Variants in MYT1L observed in about 807,000 individuals in gnomAD.
MYT1L encodes the protein myelin transcription factor 1 like, also known as myelin transcription factor 1-like protein.
A neutral mutation model predicts 126.7 loss-of-function variants in MYT1L; 12 were observed. The ratio of observed to expected loss-of-function variants is 0.09; its 90% confidence interval spans 0.06 to 0.15. The LOEUF (loss-of-function observed/expected upper bound fraction) is 0.15. Ranked by LOEUF, MYT1L falls within the 10% of genes least tolerant of loss-of-function variation. The pLI is 1.00. For missense variants in MYT1L, 979 were observed against 1,585.2 expected, an observed-to-expected ratio of 0.62 and a Z score of 6.49; for synonymous variants, 541 against 604.2, an observed-to-expected ratio of 0.90 and a Z score of 1.53.
At chr2:2,036,910 A>G (rs1233545141) in intron 4 of MYT1L, among the ~76,000 whole-genome samples, 2 of 152,190 alleles carry the variant, frequency 1.3e-5, no homozygotes, top group Non-Finnish European at 2.9e-5. Context: ...CCTGCAGGAC[A>G]TGGCTCCTTC....
In MYT1L at chr2:2,059,216, T is replaced by C. The variant is rs754443390; in HGVS notation, c.-303-5093A>G. Among the ~76,000 whole-genome samples the C allele has an allele frequency of 3.3e-5, 5 of 152,190 alleles. No homozygotes were observed. Among genetic ancestry groups the C allele is most frequent in the Non-Finnish European group, 7.3e-5 (5 of 68,040 alleles). On this transcript the variant is annotated intron_variant, in intron 3 of 24. Coordinates refer to ENST00000647738, the MANE Select transcript of MYT1L (RefSeq NM_001303052.2). The surrounding 1 kb of genome is among the most constrained non-coding windows in gnomAD (Gnocchi z 4.7). ...TGGCTGAGTGGGCCTGCAGTGGCCA[T>C]AGCATCCCAGCTTCTTACTCTGGGT...
chr2:2,206,816 T>C (rs1442804998), intron 2 of MYT1L, among the ~76,000 whole-genome samples: 1 of 152,200 alleles, frequency 6.6e-6, no homozygotes, highest in Non-Finnish European at 1.5e-5. Context: ...GTCTTTTCCA[T>C]AGCCTATTTA....
At chr2:1,844,028 G>A (rs1006874435) in intron 19 of MYT1L, among the ~76,000 whole-genome samples, 1 of 152,208 alleles carries the variant, frequency 6.6e-6, no homozygotes, top group Non-Finnish European at 1.5e-5. Flanking sequence ...AAGAGGCCCT[G>A]TGGTCTCTTC....
chr2:2,257,546 C>T (rs1204678597), intron 2 of MYT1L, among the ~76,000 whole-genome samples: 1 of 152,180 alleles, frequency 6.6e-6, no homozygotes. Context: ...TAACGCACAG[C>T]ATGGTGACTA....
intron 1 of MYT1L, among the ~76,000 whole-genome samples, chr2:2,307,993 A>G (rs2095883265): frequency 6.6e-6 from 1 of 150,668 alleles, no homozygotes; most frequent in Non-Finnish European, 1.5e-5. Flanking sequence ...CTCTACCTAC[A>G]CTCCACCTAC....
intron 2 of MYT1L, among the ~76,000 whole-genome samples, chr2:2,239,124 C>T (rs564116113): frequency 3.3e-5 from 5 of 152,354 alleles, no homozygotes; most frequent in South Asian, 2.1e-4. Context: ...AATGGCAATT[C>T]GAAACTAGCA....
intron 8 of MYT1L, among the ~76,000 whole-genome samples, chr2:1,954,351 G>A (rs764582956): frequency 3.3e-5 from 5 of 152,300 alleles, no homozygotes; most frequent in South Asian, 4.2e-4. Context: ...CCACAGTCAC[G>A]TAGAATAACG....
At chr2:1,982,102 A>G (rs946584746) in intron 5 of MYT1L, among the ~76,000 whole-genome samples, 1 of 152,232 alleles carries the variant, frequency 6.6e-6, no homozygotes, top group Non-Finnish European at 1.5e-5. Context: ...GCTATTCAAC[A>G]TGAAAACACT....
At chr2:2,296,901 CT>C (rs1225438816) in intron 1 of MYT1L, among the ~76,000 whole-genome samples, 2 of 152,214 alleles carry the variant, frequency 1.3e-5, no homozygotes, top group African/African-American at 4.8e-5. Context: ...AGCAATGCCC[CT>C]GGTGCACAGA....
chr2:2,120,049 T>C (rs761904599), intron 3 of MYT1L, among the ~76,000 whole-genome samples: 1 of 152,164 alleles, frequency 6.6e-6, no homozygotes, highest in Admixed American at 6.5e-5. Flanking sequence ...CTTAGGAGAT[T>C]TGCCCAGCTC....
chr2:2,098,904 C>A (rs559099176), intron 3 of MYT1L, among the ~76,000 whole-genome samples: 1 of 152,264 alleles, frequency 6.6e-6, no homozygotes, highest in African/African-American at 2.4e-5. Flanking sequence ...ATCCTGGGAG[C>A]TGGACAACCC....
chr2:1,819,019 G>A (rs779293150), intron 21 of MYT1L, among the ~76,000 whole-genome samples: 15 of 152,060 alleles, frequency 9.9e-5, no homozygotes, highest in Non-Finnish European at 2.1e-4. Flanking sequence ...TCCCAGACCA[G>A]GTCCCTCCCA....
intron 18 of MYT1L, among the ~76,000 whole-genome samples, chr2:1,854,772 T>G (rs1359153508): frequency 1.3e-5 from 2 of 152,180 alleles, no homozygotes; most frequent in Non-Finnish European, 1.5e-5. Context: ...GTGGGGAAGC[T>G]GTTTGGCCCG....
At chr2:2,284,852 C>T (rs1264219880) in intron 1 of MYT1L, among the ~76,000 whole-genome samples, 1 of 152,028 alleles carries the variant, frequency 6.6e-6, no homozygotes, top group African/African-American at 2.4e-5. Context: ...TACAGGCATG[C>T]ACCACCATGC....
chr2:1,790,960 G>A lies in MYT1L; in HGVS notation c.*907C>T, dbSNP rs1255727121. ...AATAACAGACAGTTCAGAGGGGCAC[G>A]AAACTCTAGGGGAGATACGAGAAGG... is the stretch of plus-strand genomic sequence containing the variant. On this transcript the variant is annotated 3_prime_UTR_variant, in exon 25 of 25. Transcript: ENST00000647738. The A allele has an allele frequency of 7.9e-6, 2 of 254,238 alleles. No homozygotes were observed. The highest frequency in any genetic ancestry group is 1.6e-5 in the Non-Finnish European group (2 of 126,898). 15.7% of individuals were successfully genotyped at this position (254,238 alleles called of 1,614,324 possible).
intron 2 of MYT1L, among the ~76,000 whole-genome samples, chr2:2,276,809 A>G (rs533309410): frequency 6.6e-6 from 1 of 152,042 alleles, no homozygotes; most frequent in African/African-American, 2.4e-5. Flanking sequence ...TCTTGCCTCC[A>G]TATCAGATGC....
At chr2:2,161,416 G>A (rs927862422) in intron 3 of MYT1L, among the ~76,000 whole-genome samples, 4 of 152,204 alleles carry the variant, frequency 2.6e-5, no homozygotes, top group African/African-American at 7.2e-5. Flanking sequence ...ACTTGGATTT[G>A]CTTCAGAGTG....
chr2:2,141,600 G>A lies in MYT1L; in HGVS notation c.-304+31272C>T, dbSNP rs114398602. Among the ~76,000 whole-genome samples the A allele has an allele frequency of 3.3e-3, 499 of 152,274 alleles. 2 individuals are homozygous for A. The highest frequency in any genetic ancestry group is 8.6e-3 in the African/African-American group (356 of 41,564). On this transcript the variant is annotated intron_variant, in intron 3 of 24. Coordinates refer to ENST00000647738, the MANE Select transcript of MYT1L (RefSeq NM_001303052.2). ...AAGAGGTGCACTAATTAAACCTCTCGTATCAGGAGAAGAGACAGTCCACTT... is the reference window on the plus strand; with the variant it reads ...AAGAGGTGCACTAATTAAACCTCTCATATCAGGAGAAGAGACAGTCCACTT...
intron 3 of MYT1L, among the ~76,000 whole-genome samples, chr2:2,100,986 T>C (rs1295445620): frequency 6.6e-6 from 1 of 152,186 alleles, no homozygotes; most frequent in Admixed American, 6.5e-5. Flanking sequence ...CTCACACCTG[T>C]AGCAGAGTTA....
Sources: gnomAD v4.1 joint callset for allele counts (sites outside exome capture counted in the v4.1 genomes callset) on GRCh38, gnomAD v4.1.1 for gene constraint, Gnocchi (gnomAD v3.1) non-coding constraint, MANE v1.5 for transcripts, NCBI Gene and HGNC (gene_info 2026-07-23, HGNC 2026-07-21) for gene names.